IGSF11: variants seen among roughly 807,000 people sequenced by gnomAD.
The protein encoded by IGSF11 is CXADR like 1.
In IGSF11, 22 loss-of-function variants were observed where a neutral mutation model predicts 41.0. The ratio of observed to expected loss-of-function variants is 0.54; its 90% confidence interval spans 0.38 to 0.77. The LOEUF (loss-of-function observed/expected upper bound fraction) is 0.77, where lower values mean the gene tolerates loss of function less well. Among genes scored for constraint, IGSF11 ranks in the 30% least tolerant of loss-of-function variants. The pLI is 0.00. For missense variants in IGSF11, 444 were observed against 530.8 expected (o/e 0.84, Z 1.61); for synonymous variants, 219 against 201.3 (o/e 1.09, Z -0.74).
At chr3:119,001,241 T>C (rs1936804758) in intron 1 of IGSF11, among the ~76,000 whole-genome samples, 2 of 150,474 alleles carry the variant, frequency 1.3e-5, no homozygotes, top group South Asian at 4.2e-4. Flanking sequence ...CTGTTTTAAT[T>C]TTTTTCATAG....
intron 1 of IGSF11, among the ~76,000 whole-genome samples, chr3:119,061,276 A>T (rs1942043127): frequency 6.6e-6 from 1 of 152,114 alleles, no homozygotes; most frequent in African/African-American, 2.4e-5. Context: ...TCTATCTCTT[A>T]TTCTAGTTTC....
chr3:118,904,808 A>G lies in IGSF11; in HGVS notation c.704-10T>C. ...ATGTTCCTGGGCTGGGCTGCAAAAT[A>G]TATTTAAGATATATTTAAAGAAAAG... On this transcript the variant is annotated splice_polypyrimidine_tract_variant and intron_variant, in intron 5 of 6. Coordinates refer to ENST00000393775, the MANE Select transcript of IGSF11 (RefSeq NM_001015887.3). The G allele has an allele frequency of 1.3e-6, 2 of 1,580,424 alleles. No individual in the cohort carries two copies. The highest frequency in any genetic ancestry group is 1.7e-6 in the Non-Finnish European group (2 of 1,167,962).
chr3:119,067,663 T>C (rs1230026914), intron 1 of IGSF11, among the ~76,000 whole-genome samples: 1 of 152,162 alleles, frequency 6.6e-6, no homozygotes, highest in Non-Finnish European at 1.5e-5. Flanking sequence ...GCATCTAAAG[T>C]GCTTCAAGTT....
intron 4 of IGSF11, among the ~76,000 whole-genome samples, chr3:118,916,996 C>A (rs1941192788): frequency 1.3e-5 from 2 of 152,110 alleles, no homozygotes; most frequent in African/African-American, 4.8e-5. Flanking sequence ...ACAACCTGCT[C>A]CTGGATGACT....
intron 1 of IGSF11, among the ~76,000 whole-genome samples, chr3:119,087,403 T>TACACACACACACACACAC (rs1349971935): frequency 1.8e-5 from 2 of 113,840 alleles, no homozygotes; most frequent in South Asian, 6.0e-4. Flanking sequence ...CACACACACA[T>TACACACACACACACACAC]ACACACACAC....
chr3:118,921,439 A>T (rs572733244), intron 4 of IGSF11, among the ~76,000 whole-genome samples: 3 of 152,208 alleles, frequency 2.0e-5, no homozygotes, highest in Non-Finnish European at 4.4e-5. Flanking sequence ...AGTATTAGGA[A>T]TGAAAAGGAG....
intron 1 of IGSF11, among the ~76,000 whole-genome samples, chr3:119,129,621 A>G (rs2077450693): frequency 6.6e-6 from 1 of 152,222 alleles, no homozygotes; most frequent in African/African-American, 2.4e-5. Flanking sequence ...ACTTAAAATA[A>G]CTGATTATAA....
chr3:118,941,972 C>A (rs1943730680), intron 1 of IGSF11, among the ~76,000 whole-genome samples: 1 of 151,852 alleles, frequency 6.6e-6, no homozygotes, highest in African/African-American at 2.4e-5. Context: ...GGAGCTGGGA[C>A]TGAGGGTTAA....
chr3:118,975,261 C>A (rs1052903421), intron 1 of IGSF11, among the ~76,000 whole-genome samples: 1 of 151,736 alleles, frequency 6.6e-6, no homozygotes, highest in Non-Finnish European at 1.5e-5. Flanking sequence ...GTTATCCCAC[C>A]ACTTTTCTAT....
intron 1 of IGSF11, among the ~76,000 whole-genome samples, chr3:119,104,559 A>G (rs763092626): frequency 9.2e-5 from 14 of 152,118 alleles, no homozygotes; most frequent in Non-Finnish European, 1.5e-4. Flanking sequence ...TAACTCATTT[A>G]TTTTCACAGC....
intron 1 of IGSF11, among the ~76,000 whole-genome samples, chr3:119,142,464 A>C (rs1238215661): frequency 6.6e-6 from 1 of 152,180 alleles, no homozygotes; most frequent in Non-Finnish European, 1.5e-5. Context: ...CTAAGGAAGC[A>C]CAGATATTGG....
chr3:119,020,762 G>A (rs1939207733), intron 1 of IGSF11, among the ~76,000 whole-genome samples: 1 of 152,106 alleles, frequency 6.6e-6, no homozygotes, highest in African/African-American at 2.4e-5. Flanking sequence ...TAACTATCTG[G>A]CTATATCTTC....
chr3:119,134,790 C>G (rs1206291046), intron 1 of IGSF11, among the ~76,000 whole-genome samples: 1 of 152,148 alleles, frequency 6.6e-6, no homozygotes, highest in Non-Finnish European at 1.5e-5. Context: ...AGGCATCACG[C>G]TACCTGACTT....
chr3:119,065,751 C>A (rs1288797172), intron 1 of IGSF11, among the ~76,000 whole-genome samples: 1 of 141,942 alleles, frequency 7.0e-6, no homozygotes, highest in Non-Finnish European at 1.5e-5. Flanking sequence ...CAACATCGCA[C>A]CACTGCACTC....
At chr3:118,947,634 T>C (rs935666763) in intron 1 of IGSF11, 2 of 152,220 alleles carry the variant, frequency 1.3e-5, no homozygotes, top group Admixed American at 1.3e-4. Context: ...ACCTCAAGCA[T>C]ACTTCTCAAT....
chr3:119,025,489 TTTACAGA>T (rs1939733535), intron 1 of IGSF11, among the ~76,000 whole-genome samples: 1 of 151,970 alleles, frequency 6.6e-6, no homozygotes, highest in East Asian at 1.9e-4. Context: ...TGCTAGACAC[TTTACAGA>T]TAACAGTTTT....
At chr3:119,077,174 A>C (rs1182154750) in intron 1 of IGSF11, among the ~76,000 whole-genome samples, 1 of 152,170 alleles carries the variant, frequency 6.6e-6, no homozygotes, top group Non-Finnish European at 1.5e-5. Context: ...AAGAACAAAA[A>C]ACCAAACACT....
chr3:118,933,487 TATAC>T (rs1383198514), intron 1 of IGSF11, among the ~76,000 whole-genome samples: 1 of 149,916 alleles, frequency 6.7e-6, no homozygotes, highest in Non-Finnish European at 1.5e-5. Flanking sequence ...TATATATATA[TATAC>T]ACACACACAC....
At chr3:119,024,940 G>A (rs6809801) in intron 1 of IGSF11, among the ~76,000 whole-genome samples, 8,543 of 152,060 alleles carry the variant, frequency 0.056, 774 homozygotes, top group African/African-American at 0.2. Flanking sequence ...AGATTTGTCC[G>A]TGATACAAAG....
Sources: gnomAD v4.1 joint callset for allele counts (sites outside exome capture counted in the v4.1 genomes callset) on GRCh38, gnomAD v4.1.1 for gene constraint, MANE v1.5 for transcripts, NCBI Gene and HGNC (gene_info 2026-07-23, HGNC 2026-07-21) for gene names.